FBN2: variants seen among roughly 807,000 people sequenced by gnomAD.
FBN2 encodes fibrillin 2, also known as fibrillin-2.
FBN2 carries 105 observed loss-of-function variants against 355.6 expected under a neutral mutation model. The ratio of observed to expected loss-of-function variants is 0.30; its 90% CI spans 0.25 to 0.35. The LOEUF (loss-of-function observed/expected upper bound fraction) is 0.35. FBN2 is among the 10% of genes least tolerant of loss of function. The pLI is 1.00. For synonymous variants in FBN2, 1,350 were observed against 1,301.2 expected, an observed-to-expected ratio of 1.04 and a Z score of -0.81; for missense variants, 3,280 against 3,758.7, an observed-to-expected ratio of 0.87 and a Z score of 3.33.
rs551786432 is a variant in FBN2 at position 128,504,050 on chromosome 5, C to G, written c.628+15223G>C. The stretch of plus-strand genomic sequence containing the variant: ...AAAAGGGGCCAATGTACAGCTCAGG[C>G]TGTTGCTTCAGAGGTTGTAAGCCCT... On this transcript the variant is annotated intron_variant, in intron 5 of 64. Coordinates refer to ENST00000262464, the MANE Select transcript of FBN2 (RefSeq NM_001999.4). Among the ~76,000 whole-genome samples the G allele has an allele frequency of 3.6e-4, 55 of 152,326 alleles. 1 individual carries two copies. Among genetic ancestry groups the G allele is most frequent in the Admixed American group, 3.6e-3 (55 of 15,302 alleles).
At chr5:128,488,293 G>T (rs6864057) in intron 5 of FBN2, among the ~76,000 whole-genome samples, 31,803 of 151,984 alleles carry the variant, frequency 0.21, 5,959 homozygotes, top group African/African-American at 0.5. Flanking sequence ...TGCTGTGCTA[G>T]CAGTTTTTGT....
At chr5:128,306,042 T>A (rs567900190) in intron 42 of FBN2, 94 bp from the exon 43 acceptor site, 1 of 1,274,658 alleles carries the variant, frequency 7.8e-7, no homozygotes, top group African/African-American at 1.5e-5. Flanking sequence ...CTGGGATGAG[T>A]ACAAATATTC....
intron 53 of FBN2, 99 bp downstream of exon 53, chr5:128,288,339 C>A: frequency 7.1e-7 from 1 of 1,414,496 alleles, no homozygotes; most frequent in South Asian, 1.2e-5. Flanking sequence ...ACCGTATGCT[C>A]ACCAGCAGAA....
At chr5:128,500,910 T>C (rs1449393242) in intron 5 of FBN2, among the ~76,000 whole-genome samples, 1 of 152,202 alleles carries the variant, frequency 6.6e-6, no homozygotes, top group Non-Finnish European at 1.5e-5. Context: ...GTCATTGTGA[T>C]CTCTACCAGA....
At position 128,278,759 on chromosome 5, in the gene FBN2, C is replaced by G; in HGVS notation, c.7221G>C (p.Lys2407Asn). 6.2e-7 allele frequency: 1 copy of G among 1,614,134 alleles called. No homozygotes were observed. The highest frequency in any genetic ancestry group is 8.5e-7 in the Non-Finnish European group (1 of 1,180,016). The change falls in exon 57 of 65, where the codon AAG becomes AAC. Residue 2407 changes from lysine to asparagine, a missense_variant. By Grantham distance (94) the Lys-to-Asn change is moderately conservative. Coordinates refer to ENST00000262464, the MANE Select transcript of FBN2 (RefSeq NM_001999.4). ...GCCCACCATCACAGCAGCATTCTGA[C>G]TTAGTGACGAGATTGCGACTACTGG... ...MASSSRNLVT[K>N]SECCCDGGRG...
intron 6 of FBN2, among the ~76,000 whole-genome samples, chr5:128,462,100 T>C (rs1027673064): frequency 2.6e-5 from 4 of 152,198 alleles, no homozygotes; most frequent in African/African-American, 9.7e-5. Context: ...GCATGTTTCA[T>C]TCACAACTAA....
intron 5 of FBN2, among the ~76,000 whole-genome samples, chr5:128,486,400 C>T (rs1755338436): frequency 6.6e-6 from 1 of 152,042 alleles, no homozygotes; most frequent in Non-Finnish European, 1.5e-5. Context: ...TATTAGTCAC[C>T]ATTACCATAT....
intron 10 of FBN2, among the ~76,000 whole-genome samples, chr5:128,392,365 A>C (rs1752538933): frequency 6.6e-6 from 1 of 152,212 alleles, no homozygotes; most frequent in African/African-American, 2.4e-5. Context: ...ACAGATCTGA[A>C]AATGCTGCCC....
chr5:128,497,243 T>A (rs922360125), intron 5 of FBN2, among the ~76,000 whole-genome samples: 1 of 152,102 alleles, frequency 6.6e-6, no homozygotes, highest in African/African-American at 2.4e-5. Flanking sequence ...AACACCAGAC[T>A]TAGGAAAACT....
intron 23 of FBN2, 122 bp from the exon 24 acceptor site, chr5:128,345,706 G>T: frequency 1.2e-6 from 1 of 845,410 alleles, no homozygotes; most frequent in Non-Finnish European, 2.0e-6. Flanking sequence ...TGGTGGGCAA[G>T]ATGCAGTCCC....
chr5:128,269,310 T>C (rs1048123675), intron 62 of FBN2, among the ~76,000 whole-genome samples: 1 of 145,210 alleles, frequency 6.9e-6, no homozygotes, highest in Non-Finnish European at 1.5e-5. Flanking sequence ...AATAATAAAC[T>C]AATAATAATT....
intron 3 of FBN2, among the ~76,000 whole-genome samples, chr5:128,528,466 A>C (rs532356379): frequency 1.5e-4 from 23 of 152,304 alleles, no homozygotes; most frequent in Non-Finnish European, 2.8e-4. Flanking sequence ...TGGAGCCAAG[A>C]AGGAGCTTAG....
Position 128,407,050 on chromosome 5 carries a change from ATC to A in FBN2, c.1078+1622_1078+1623del, listed in dbSNP as rs149973008. Among the ~76,000 whole-genome samples, 1,134 of 152,320 alleles carry A rather than the reference ATC, an allele frequency of 7.4e-3. 13 individuals carry two copies. Among genetic ancestry groups the A allele is most frequent in the African/African-American group, 0.026 (1,065 of 41,560 alleles). On this transcript the variant is annotated intron_variant, in intron 8 of 64. Transcript: ENST00000262464. ...ACACGACATGAGGCTCCCAACAGAC[ATC>A]TTACTTCTCAAAGCAGGCTGTTAGC...
intron 48 of FBN2, among the ~76,000 whole-genome samples, chr5:128,295,404 T>A (rs1749475699): frequency 6.6e-6 from 1 of 150,764 alleles, no homozygotes; most frequent in Non-Finnish European, 1.5e-5. Context: ...GGGATGGCAT[T>A]GAATCTGTAA....
intron 61 of FBN2, among the ~76,000 whole-genome samples, chr5:128,273,457 C>A (rs780154475): frequency 1.3e-5 from 2 of 152,166 alleles, no homozygotes; most frequent in African/African-American, 2.4e-5. Context: ...ATGACAGATT[C>A]TTTTTATATT....
At chr5:128,480,089 T>C (rs1364818150) in intron 5 of FBN2, among the ~76,000 whole-genome samples, 1 of 142,466 alleles carries the variant, frequency 7.0e-6, no homozygotes, top group Admixed American at 7.4e-5. Flanking sequence ...ATATATAATA[T>C]ATATATTCTC....
intron 15 of FBN2, chr5:128,371,275 G>A (rs1194553813): frequency 3.3e-5 from 5 of 152,016 alleles, no homozygotes; most frequent in African/African-American, 9.7e-5. Flanking sequence ...AAATATAACA[G>A]AACCACTGTA....
chr5:128,384,776 T>A (rs1752322976), intron 11 of FBN2, among the ~76,000 whole-genome samples: 2 of 152,068 alleles, frequency 1.3e-5, no homozygotes, highest in South Asian at 2.1e-4. Context: ...AGGCTCTAGA[T>A]GAAATTATAG....
At chr5:128,467,348 T>G (rs1476618767) in intron 5 of FBN2, among the ~76,000 whole-genome samples, 2 of 152,174 alleles carry the variant, frequency 1.3e-5, no homozygotes, top group African/African-American at 4.8e-5. Context: ...ATGCTGAACC[T>G]ATGTTTGTAT....
Sources: gnomAD v4.1 joint callset for allele counts (sites outside exome capture counted in the v4.1 genomes callset) on GRCh38, gnomAD v4.1.1 for gene constraint, MANE v1.5 for transcripts, NCBI Gene and HGNC (gene_info 2026-07-23, HGNC 2026-07-21) for gene names.